SLC29A4: variants seen among roughly 807,000 people sequenced by gnomAD.
SLC29A4 encodes the protein solute carrier family 29 member 4.
Under a neutral mutation model 43.9 loss-of-function variants are expected in SLC29A4, and 36 were observed. The ratio of observed to expected loss-of-function variants is 0.82; its 90% CI spans 0.63 to 1.08. SLC29A4 has a LOEUF of 1.08. Ranked by LOEUF, SLC29A4 falls within the 50% of genes least tolerant of loss-of-function variation. The pLI, the probability that SLC29A4 is intolerant of heterozygous loss-of-function variation, is 0.00. For missense variants in SLC29A4, 869 were observed against 755.3 expected, an observed-to-expected ratio of 1.15 and a Z score of -1.77; for synonymous variants, 491 against 338.0, an observed-to-expected ratio of 1.45 and a Z score of -4.97.
intron 4 of SLC29A4, 31 bp downstream of exon 4, chr7:5,291,268 C>T (rs772625602): frequency 2.1e-5 from 33 of 1,587,822 alleles, no homozygotes; most frequent in Non-Finnish European, 2.7e-5. Context: ...GGACACCTGC[C>T]TGTCATGGCT....
chr7:5,302,044 A>T (rs1252881641), intron 10 of SLC29A4, among the ~76,000 whole-genome samples: 1 of 152,082 alleles, frequency 6.6e-6, no homozygotes, highest in African/African-American at 2.4e-5. Context: ...TCTGCCTCGC[A>T]GGTTCAAGCA....
At chr7:5,302,672 TG>T in intron 10 of SLC29A4, 124 bp from the exon 11 acceptor site, 1 of 922,718 alleles carries the variant, frequency 1.1e-6, no homozygotes, top group Non-Finnish European at 1.6e-6. Context: ...GGAGGAGCGA[TG>T]GGGCAGCGGG....
chr7:5,298,800 T>C (rs1785904258), intron 7 of SLC29A4, among the ~76,000 whole-genome samples, 188 bp from the exon 8 acceptor site: 1 of 152,090 alleles, frequency 6.6e-6, no homozygotes, highest in African/African-American at 2.4e-5. Context: ...ACCCTCTCTC[T>C]AAAACAAGAA....
At position 5,296,918 on chromosome 7, in the gene SLC29A4, A is replaced by G. The variant is rs767333798; in HGVS notation, c.620-18A>G. 5.1e-6 allele frequency: 8 copies of G among 1,576,062 alleles called. No homozygotes were observed. The highest frequency in any genetic ancestry group is 6.0e-6 in the Non-Finnish European group (7 of 1,169,036). ...AGCTGGGCGGATCAGGCCCCGGCCC[A>G]CTGTGCACGCCCCCCAGGCACGGCG... On this transcript the variant is annotated intron_variant, in intron 6 of 10. Transcript: ENST00000396872.
In SLC29A4 at chr7:5,290,052, A is replaced by T. The variant is rs1316450402; in HGVS notation, c.170-680A>T. Among the ~76,000 whole-genome samples the T allele has an allele frequency of 4.0e-3, 465 of 117,218 alleles. 2 individuals are homozygous for T. Among genetic ancestry groups the T allele is most frequent in the African/African-American group, 0.014 (428 of 30,138 alleles). The allele number at this position is 117,218 out of a possible 152,430, so 76.9% of individuals were successfully genotyped here. On this transcript the variant is annotated intron_variant, in intron 2 of 10. Transcript: ENST00000396872. ...AGGCGTGCACCACCATGCCCAGCTA[A>T]TTTTTTTTTTTTTTTTTTTGAGACG...
At chr7:5,288,123 G>T in intron 2 of SLC29A4, 138 bp downstream of exon 2, 1 of 1,149,450 alleles carries the variant, frequency 8.7e-7, no homozygotes, top group South Asian at 1.7e-5. Flanking sequence ...GTGTGGATTA[G>T]ATCTGCTGCA....
intron 2 of SLC29A4, 57 bp from the exon 3 acceptor site, chr7:5,290,675 G>A (rs1051243949): frequency 7.7e-6 from 12 of 1,563,126 alleles, no homozygotes; most frequent in Middle Eastern, 1.7e-4. Flanking sequence ...CGCCCTGTGC[G>A]GTGACTGTAG....
rs756316219 is a variant in SLC29A4 at position 5,299,473 on chromosome 7, G to C, written c.1209+46G>C. The C allele has an allele frequency of 7.0e-6, 11 of 1,576,790 alleles. No individual in the cohort carries two copies. The East Asian group carries it at 2.0e-4, about 29-fold the overall frequency. On this transcript the variant is annotated intron_variant, in intron 9 of 10. Transcript: ENST00000396872. ...GGTGTCGGGGGACGCCATGGGGTGG[G>C]GGTGACAAGGGAGGCCCTGGCCTAT...
chr7:5,287,875 C>T lies in SLC29A4; in HGVS notation c.59C>T (p.Pro20Leu), dbSNP rs1053821207. The change falls in exon 2 of 11, where the codon CCG (proline) becomes CTG (leucine). Residue 20 changes from proline (P) to leucine (L), a missense_variant. Transcript: ENST00000396872. ...CCCAGCGTGGCAGGCACACCAGACC[C>T]GGGCGTAGTGATGAGCTTCACCTTC... is the stretch of plus-strand genomic sequence containing the variant. ...EEPSVAGTPD[P>L]GVVMSFTFDS... The T allele has an allele frequency of 4.3e-6, 7 of 1,611,992 alleles. No homozygotes were observed. Among genetic ancestry groups the T allele is most frequent in the Admixed American group, 1.7e-5 (1 of 60,016 alleles).
chr7:5,291,083 T>C (rs1171200855), intron 3 of SLC29A4, 41 bp from the exon 4 acceptor site: 1 of 1,600,044 alleles, frequency 6.2e-7, no homozygotes, highest in East Asian at 2.2e-5. Context: ...GTGCAGGGGG[T>C]GGGGCCTCCC....
At chr7:5,295,386 C>T (rs1033624221) in intron 6 of SLC29A4, among the ~76,000 whole-genome samples, 10 of 152,180 alleles carry the variant, frequency 6.6e-5, no homozygotes, top group African/African-American at 9.6e-5. Context: ...GGGTGTCTCA[C>T]GGGCTTCTCA....
chr7:5,293,886 C>T (rs187946369), intron 5 of SLC29A4, among the ~76,000 whole-genome samples: 3 of 152,238 alleles, frequency 2.0e-5, no homozygotes, highest in Admixed American at 1.3e-4. Flanking sequence ...GCGGACAGAT[C>T]ACGAGGTCAG....
intron 9 of SLC29A4, among the ~76,000 whole-genome samples, chr7:5,299,922 C>T (rs1048316161): frequency 2.0e-5 from 3 of 152,154 alleles, no homozygotes; most frequent in Non-Finnish European, 2.9e-5. Context: ...CGTGGTGGAG[C>T]GTGCCTATAA....
In SLC29A4 at chr7:5,297,211, C is replaced by T. The variant is rs539889132; in HGVS notation, c.882+13C>T. 8.9e-6 allele frequency: 14 copies of T among 1,568,804 alleles called. 1 individual carries two copies. The South Asian group carries it at 1.3e-4, about 14-fold the overall frequency. On this transcript the variant is annotated intron_variant, in intron 7 of 10. Transcript: ENST00000396872. ...GGACGTCCACTTCGTAAGTGCGCAC[C>T]GCCCACCTCTGTTCCCTTCTCTGTC...
At chr7:5,289,385 A>T (rs993066476) in intron 2 of SLC29A4, among the ~76,000 whole-genome samples, 1 of 151,768 alleles carries the variant, frequency 6.6e-6, no homozygotes, top group African/African-American at 2.4e-5. Flanking sequence ...CAACGGCGAG[A>T]CTCTGAAAAA....
intron 1 of SLC29A4, among the ~76,000 whole-genome samples, chr7:5,286,998 T>A (rs1784995139): frequency 6.6e-6 from 1 of 152,164 alleles, no homozygotes. Flanking sequence ...TCCATCTATT[T>A]CTCACCGTGC....
intron 1 of SLC29A4, among the ~76,000 whole-genome samples, chr7:5,284,032 A>ACCCCCCCCC (rs79051188): frequency 4.1e-4 from 30 of 72,326 alleles, no homozygotes; most frequent in East Asian, 9.2e-4. Flanking sequence ...GAGCTGCACG[A>ACCCCCCCCC]CCCCCCCCCC....
Position 5,299,239 on chromosome 7 carries a change from G to T in SLC29A4, c.1022-1G>T, listed in dbSNP as rs1159149090. 1.9e-6 allele frequency: 3 copies of T among 1,611,280 alleles called. No individual in the cohort carries two copies. The South Asian group carries it at 3.3e-5, about 18-fold the overall frequency. ...TCTGACCCCCGCCCGCCACCCTCCA[G>T]CCCTGTTACTGCACCGCTACGTGGT... On this transcript the variant is annotated splice_acceptor_variant, in intron 8 of 10. Coordinates refer to ENST00000396872, the MANE Select transcript of SLC29A4 (RefSeq NM_153247.4). LOFTEE classifies it high-confidence loss of function.
chr7:5,293,894 C>T (rs535288696), intron 5 of SLC29A4, among the ~76,000 whole-genome samples: 1 of 152,238 alleles, frequency 6.6e-6, no homozygotes, highest in East Asian at 1.9e-4. Context: ...ATCACGAGGT[C>T]AGGAGTTCGA....
Sources: allele counts gnomAD v4.1 joint callset (sites outside exome capture counted in the v4.1 genomes callset), GRCh38; gene constraint gnomAD v4.1.1; transcripts MANE v1.5; gene names NCBI Gene and HGNC (gene_info 2026-07-23, HGNC 2026-07-21).